CLN8: variants seen among roughly 807,000 people sequenced by gnomAD.
The protein encoded by CLN8 is CLN8 transmembrane ER and ERGIC protein, also known as protein CLN8.
Under a neutral mutation model 15.7 loss-of-function variants are expected in CLN8, and 14 were observed. That is an observed-to-expected ratio of 0.89 (90% confidence interval 0.59 to 1.39). CLN8 has a LOEUF of 1.39. CLN8 is among the 40% of genes most tolerant of loss of function. The pLI, the probability that CLN8 is intolerant of heterozygous loss-of-function variation, is 0.00. For missense variants in CLN8, 415 were observed against 364.0 expected (o/e 1.14, Z -1.14); for synonymous variants, 188 against 151.0 (o/e 1.25, Z -1.80).
chr8:1,761,867 G>A (rs1337995388), upstream of CLN8: 1 of 152,222 alleles, frequency 6.6e-6, no homozygotes, highest in Non-Finnish European at 1.5e-5. Context: ...TTTCAATAGT[G>A]ATGTTATCCC....
At position 1,780,345 on chromosome 8, in the gene CLN8, G is replaced by C; in HGVS notation, c.639G>C (p.Trp213Cys). The C allele has an allele frequency of 1.2e-6, 2 of 1,614,240 alleles. No individual in the cohort carries two copies. The highest frequency in any genetic ancestry group is 1.6e-4 in the Middle Eastern group (1 of 6,062). The change falls in exon 3 of 3, where the codon TGG (tryptophan) becomes TGC (cysteine). Residue 213 changes from tryptophan (W) to cysteine (C), a missense_variant. Trp to Cys is a radical substitution (Grantham distance 215). Transcript: ENST00000331222. ...TGGTTCTAACCTACCACATGTGGTG[G>C]GTGTGTTTCTGGCACTGGGACGGCC... ...CRMVLTYHMW[W>C]VCFWHWDGLV...
intron 1 of CLN8, among the ~76,000 whole-genome samples, chr8:1,766,623 C>T (rs554042550): frequency 9.9e-5 from 15 of 151,990 alleles, no homozygotes; most frequent in Non-Finnish European, 2.1e-4. Context: ...GATCTCCTGA[C>T]CTCGTGATCC....
upstream of CLN8, chr8:1,760,067 T>G (rs1563098418): frequency 6.6e-6 from 1 of 152,146 alleles, no homozygotes; most frequent in Non-Finnish European, 1.5e-5. Context: ...ACACCTCAAT[T>G]AAGTCATTTT....
intron 2 of CLN8, among the ~76,000 whole-genome samples, chr8:1,772,626 TTGTGTGTG>T (rs568342994): frequency 2.0e-5 from 3 of 147,328 alleles, no homozygotes; most frequent in South Asian, 2.2e-4. Context: ...CCTAGCTAAT[TTGTGTGTG>T]TGTGTGTGTG....
rs1365668436 is a variant in CLN8 at position 1,768,776 on chromosome 8, G to A, written c.-123-2156G>A. On this transcript the variant is annotated intron_variant, in intron 1 of 2. Transcript: ENST00000331222. ...CCTGTGAAGTGCATAGGGGTTCAAC[G>A]ATGCCTTGCTGCACACTGAATACCA... Among the ~76,000 whole-genome samples, 3 of 152,160 alleles carry A rather than the reference G, an allele frequency of 2.0e-5. No individual in the cohort carries two copies. The South Asian group carries it at 6.2e-4, about 31-fold the overall frequency.
At chr8:1,766,514 C>G (rs950115314) in intron 1 of CLN8, among the ~76,000 whole-genome samples, 2 of 151,890 alleles carry the variant, frequency 1.3e-5, no homozygotes, top group East Asian at 1.9e-4. Context: ...CTCAGCCTCC[C>G]GAGTAGCTGG....
upstream of CLN8, chr8:1,758,795 T>A (rs1800727744): frequency 6.6e-6 from 1 of 152,148 alleles, no homozygotes; most frequent in African/African-American, 2.4e-5. Flanking sequence ...GAAAGGATTG[T>A]CTGGGTTACG....
chr8:1,763,387 CCGCCG>C (rs1193913501), upstream of CLN8: 55 of 76,510 alleles, frequency 7.2e-4, 2 homozygotes, highest in Non-Finnish European at 1.6e-3. Flanking sequence ...CCCACAGCGC[CCGCCG>C]CGCCGCGCCC....
intron 2 of CLN8, among the ~76,000 whole-genome samples, chr8:1,777,534 A>C (rs924943421): frequency 1.3e-5 from 2 of 152,206 alleles, no homozygotes; most frequent in East Asian, 3.8e-4. Context: ...TTGTAATAAC[A>C]CTTAGCTTAA....
In CLN8 at chr8:1,770,960, G is replaced by T; in HGVS notation, c.-95G>T. Reference sequence around the variant, plus strand: ...GAAGATGGATACGTGACAATCCCAGGGACCGCTGCACTGACTTCATTTCCT... The same window carrying T: ...GAAGATGGATACGTGACAATCCCAGTGACCGCTGCACTGACTTCATTTCCT... On this transcript the variant is annotated 5_prime_UTR_variant, in exon 2 of 3. Transcript: ENST00000331222. 8.9e-7 allele frequency: 1 copy of T among 1,121,034 alleles called. No individual in the cohort carries two copies. Among genetic ancestry groups the T allele is most frequent in the Non-Finnish European group, 1.3e-6 (1 of 743,644 alleles). The allele number at this position is 1,121,034 out of a possible 1,614,324, so 69.4% of individuals were successfully genotyped here. A position where few individuals can be genotyped will look rare whatever the true frequency, so the allele number is the denominator to read the frequency against.
intron 1 of CLN8, among the ~76,000 whole-genome samples, chr8:1,769,706 A>T (rs2130986110): frequency 6.6e-6 from 1 of 152,162 alleles, no homozygotes; most frequent in Non-Finnish European, 1.5e-5. Flanking sequence ...AGAACTTGAG[A>T]CTCTGGTGTT....
chr8:1,761,494 T>G (rs1479354186), upstream of CLN8, among the ~76,000 whole-genome samples: 2 of 152,200 alleles, frequency 1.3e-5, no homozygotes, highest in African/African-American at 4.8e-5. Flanking sequence ...CTGGCTAATT[T>G]TTGTATTTTT....
rs1300556211 is a variant in CLN8, at chr8:1,756,311, G to A, written c.-124+229G>A. On this transcript the variant is annotated intron_variant, in intron 1 of 1. Coordinates refer to the CLN8 transcript ENST00000524258. ...AGCCTGGCCAACATAGTAAAACCCC[G>A]TCTGTACTAAAAAAATACAAAAATT... Among the ~76,000 whole-genome samples, 9 of 151,824 alleles carry A rather than the reference G, an allele frequency of 5.9e-5. 1 individual carries two copies.
At chr8:1,769,890 T>C (rs1359591345) in intron 1 of CLN8, among the ~76,000 whole-genome samples, 2 of 152,194 alleles carry the variant, frequency 1.3e-5, no homozygotes, top group Non-Finnish European at 2.9e-5. Context: ...CTCACAGAGC[T>C]TGCTGTCCAG....
intron 1 of CLN8, among the ~76,000 whole-genome samples, chr8:1,766,237 C>T (rs1329247115): frequency 1.3e-5 from 2 of 152,178 alleles, no homozygotes; most frequent in African/African-American, 4.8e-5. Flanking sequence ...TGAAGATCTG[C>T]AGCGTCAAGA....
At chr8:1,755,887 C>T (rs1009926042) in exon 1 of CLN8, 2 of 152,176 alleles carry the variant, frequency 1.3e-5, no homozygotes, top group African/African-American at 4.8e-5. Flanking sequence ...AGACGGAGGA[C>T]ATTGCATGTC....
chr8:1,769,756 C>A (rs572838833), intron 1 of CLN8, among the ~76,000 whole-genome samples: 1 of 152,308 alleles, frequency 6.6e-6, no homozygotes, highest in African/African-American at 2.4e-5. Flanking sequence ...GTAAAGTGGA[C>A]CCTTTCAGCA....
chr8:1,766,632 C>T (rs1054596005), intron 1 of CLN8, among the ~76,000 whole-genome samples: 1 of 151,930 alleles, frequency 6.6e-6, no homozygotes, highest in Admixed American at 6.6e-5. Flanking sequence ...ACCTCGTGAT[C>T]CTCCCACCTT....
chr8:1,763,975 GAACCCAGGTGAGGGGC>G (rs1800930197), intron 1 of CLN8, 90 bp downstream of exon 1: 1 of 93,588 alleles, frequency 1.1e-5, no homozygotes, highest in Admixed American at 9.1e-5. Flanking sequence ...TAGGGGCCGG[GAACCCAGGTGAGGGGC>G]AGCCCAGGTG....
Sources: allele counts gnomAD v4.1 joint callset (sites outside exome capture counted in the v4.1 genomes callset), GRCh38; gene constraint gnomAD v4.1.1; transcripts MANE v1.5; gene names NCBI Gene and HGNC (gene_info 2026-07-23, HGNC 2026-07-21).